The following OLFM2 variants were observed in gnomAD, a reference collection of about 807,000 sequenced individuals.
OLFM2 encodes noelin-2.
A neutral mutation model predicts 43.9 loss-of-function variants in OLFM2; 20 were observed. That is an observed-to-expected ratio of 0.46 (90% CI 0.32 to 0.66). The LOEUF (loss-of-function observed/expected upper bound fraction) is 0.66. OLFM2 is among the 30% of genes least tolerant of loss of function. OLFM2 has a pLI of 0.04. For synonymous variants in OLFM2, 268 were observed against 278.6 expected, an observed-to-expected ratio of 0.96 and a Z score of 0.38; for missense variants, 416 against 643.6, an observed-to-expected ratio of 0.65 and a Z score of 3.83.
chr19:9,913,734 G>A (rs1316753021), intron 1 of OLFM2: 2 of 1,005,082 alleles, frequency 2.0e-6, no homozygotes, highest in African/African-American at 1.7e-5. Flanking sequence ...GAGGGGGCAC[G>A]AGCGCGAGCT....
At chr19:9,864,423 C>T (rs1195274457) in intron 1 of OLFM2, among the ~76,000 whole-genome samples, 3 of 152,064 alleles carry the variant, frequency 2.0e-5, no homozygotes, top group African/African-American at 7.2e-5. Flanking sequence ...GCCTCAGCCT[C>T]CCGAGTAGCT....
chr19:9,884,599 C>T (rs1255887151), intron 1 of OLFM2, among the ~76,000 whole-genome samples: 2 of 152,100 alleles, frequency 1.3e-5, no homozygotes, highest in African/African-American at 2.4e-5. Flanking sequence ...AGCTAGGACT[C>T]GCCAGTTCTA....
At chr19:9,876,672 C>T (rs2046491281) in intron 1 of OLFM2, among the ~76,000 whole-genome samples, 1 of 152,154 alleles carries the variant, frequency 6.6e-6, no homozygotes, top group Non-Finnish European at 1.5e-5. Context: ...TTAAGGGTCT[C>T]CTAGGTTCGA....
chr19:9,924,103 C>CAAAAAAAAA, intron 1 of OLFM2, among the ~76,000 whole-genome samples: 1 of 20,722 alleles, frequency 4.8e-5, no homozygotes, highest in Non-Finnish European at 1.3e-4. Flanking sequence ...CTCGTCTCTA[C>CAAAAAAAAA]AAAAAAAAAA....
chr19:9,870,501 G>C (rs1273358950), intron 1 of OLFM2, among the ~76,000 whole-genome samples: 4 of 152,174 alleles, frequency 2.6e-5, no homozygotes, highest in Non-Finnish European at 4.4e-5. Flanking sequence ...GGGGAGCCAA[G>C]GTCCTTCTCC....
At chr19:9,905,443 C>T (rs1339883370) in intron 1 of OLFM2, among the ~76,000 whole-genome samples, 1 of 151,168 alleles carries the variant, frequency 6.6e-6, no homozygotes, top group Non-Finnish European at 1.5e-5. Flanking sequence ...GGCAACAGAG[C>T]GAGACTCCAT....
chr19:9,857,138 G>A lies in OLFM2; in HGVS notation c.580+125C>T. On this transcript the variant is annotated intron_variant, in intron 4 of 5. Transcript: ENST00000264833. This position sits in a 1 kb window ranked among gnomAD's most constrained non-coding sequence, Gnocchi z 5.7. ...CTCAAGTGTAGCCTTAGGTAGGAAG[G>A]TCAAGGGTTGAGGTTTAAAAGTTAG... 5 of 1,010,586 alleles carry A rather than the reference G, an allele frequency of 4.9e-6. No homozygotes were observed. The highest frequency in any genetic ancestry group is 7.6e-6 in the Non-Finnish European group (5 of 657,562). 62.6% of individuals were successfully genotyped at this position (1,010,586 alleles called of 1,614,324 possible).
chr19:9,928,634 G>T (rs960207970), intron 1 of OLFM2, among the ~76,000 whole-genome samples: 2 of 151,046 alleles, frequency 1.3e-5, no homozygotes, highest in Non-Finnish European at 3.0e-5. Context: ...GCAAAACCCC[G>T]TCTCTATTAA....
intron 1 of OLFM2, among the ~76,000 whole-genome samples, chr19:9,911,371 G>C (rs2046825988): frequency 6.6e-6 from 1 of 152,104 alleles, no homozygotes; most frequent in Non-Finnish European, 1.5e-5. Flanking sequence ...GGGATGGGGT[G>C]GTGTCAGGGA....
At chr19:9,878,826 T>C (rs1056591612) in intron 1 of OLFM2, among the ~76,000 whole-genome samples, 5 of 152,200 alleles carry the variant, frequency 3.3e-5, no homozygotes, top group Middle Eastern at 3.2e-3. Context: ...CTGGAAGACC[T>C]GGGCTCTATC....
intron 1 of OLFM2, among the ~76,000 whole-genome samples, chr19:9,918,259 T>C (rs2086398589): frequency 6.6e-6 from 1 of 151,840 alleles, no homozygotes; most frequent in Non-Finnish European, 1.5e-5. Context: ...GGTGCAATCA[T>C]AGCTCACTGC....
intron 2 of OLFM2, among the ~76,000 whole-genome samples, chr19:9,859,081 CAG>C (rs2046346713): frequency 1.3e-5 from 2 of 152,372 alleles, no homozygotes; most frequent in East Asian, 1.9e-4. Context: ...TAAACTCAGT[CAG>C]AGTTACCACT....
At chr19:9,913,128 G>A (rs912575437) in intron 1 of OLFM2, among the ~76,000 whole-genome samples, 6 of 152,076 alleles carry the variant, frequency 3.9e-5, no homozygotes, top group Non-Finnish European at 8.8e-5. Flanking sequence ...ACCCCACTCA[G>A]CCCGGACTCA....
At chr19:9,919,455 C>A (rs1599500733) in intron 1 of OLFM2, among the ~76,000 whole-genome samples, 2 of 151,294 alleles carry the variant, frequency 1.3e-5, no homozygotes, top group East Asian at 3.9e-4. Context: ...GCATGAGACA[C>A]CTTGCCCGGC....
intron 1 of OLFM2, among the ~76,000 whole-genome samples, chr19:9,893,865 G>A (rs1002435166): frequency 3.9e-5 from 6 of 152,274 alleles, no homozygotes; most frequent in African/African-American, 1.4e-4. Flanking sequence ...AAATCTTCAA[G>A]AGGTTTCAAG....
At chr19:9,924,088 A>G (rs1395144436) in intron 1 of OLFM2, among the ~76,000 whole-genome samples, 2 of 132,916 alleles carry the variant, frequency 1.5e-5, no homozygotes, top group Admixed American at 7.9e-5. Context: ...CAACAGAGCA[A>G]TAACCTCGTC....
intron 1 of OLFM2, among the ~76,000 whole-genome samples, chr19:9,888,760 T>A (rs1043243083): frequency 1.3e-5 from 2 of 152,094 alleles, no homozygotes; most frequent in Non-Finnish European, 2.9e-5. Context: ...AGGCACCTGG[T>A]ATCCATTTGT....
chr19:9,894,003 T>C (rs2046659914), intron 1 of OLFM2, among the ~76,000 whole-genome samples: 1 of 151,300 alleles, frequency 6.6e-6, no homozygotes, highest in Admixed American at 6.6e-5. Flanking sequence ...TTCAAGAGGG[T>C]TTTCTTGGTC....
intron 1 of OLFM2, among the ~76,000 whole-genome samples, chr19:9,894,412 T>TAATAATAATAATAATAATAAA (rs34379733): frequency 9.6e-4 from 60 of 62,242 alleles, no homozygotes; most frequent in African/African-American, 2.4e-3. Flanking sequence ...ATAATAATAA[T>TAATAATAATAATAATAATAAA]AAATAAATAA....
Sources: allele counts gnomAD v4.1 joint callset (sites outside exome capture counted in the v4.1 genomes callset), GRCh38; gene constraint gnomAD v4.1.1; non-coding constraint Gnocchi (gnomAD v3.1); transcripts MANE v1.5; gene names NCBI Gene and HGNC (gene_info 2026-07-23, HGNC 2026-07-21).